Variants in ADAMTSL2 observed in about 807,000 individuals in gnomAD.
The protein encoded by ADAMTSL2 is ADAMTS-like protein 2.
ADAMTSL2 carries 55 observed loss-of-function variants against 117.0 expected under a neutral mutation model. The ratio of observed to expected loss-of-function variants is 0.47; its 90% CI spans 0.38 to 0.59. The LOEUF is 0.59. Ranked by LOEUF, ADAMTSL2 falls within the 20% of genes least tolerant of loss-of-function variation. The pLI, the probability that ADAMTSL2 is intolerant of heterozygous loss-of-function variation, is 0.00. For missense variants in ADAMTSL2, 1,182 were observed against 1,354.5 expected, an observed-to-expected ratio of 0.87 and a Z score of 2.00; for synonymous variants, 572 against 566.4, an observed-to-expected ratio of 1.01 and a Z score of -0.14.
chr9:133,547,747 G>A (rs367555540), intron 9 of ADAMTSL2, among the ~76,000 whole-genome samples: 23 of 152,302 alleles, frequency 1.5e-4, no homozygotes, highest in East Asian at 5.8e-4. Context: ...TATGGTGCTC[G>A]GTCCTTAGTG....
chr9:133,572,897 C>T (rs1357326127), intron 17 of ADAMTSL2, among the ~76,000 whole-genome samples: 2 of 152,194 alleles, frequency 1.3e-5, no homozygotes, highest in African/African-American at 2.4e-5. Context: ...CGGGAATGTG[C>T]TGCTCTCCAG....
chr9:133,543,453 A>G (rs1340544313), intron 7 of ADAMTSL2, among the ~76,000 whole-genome samples: 1 of 152,268 alleles, frequency 6.6e-6, no homozygotes, highest in Non-Finnish European at 1.5e-5. Flanking sequence ...GGGTGTTTAC[A>G]CCACGGAAAT....
At chr9:133,571,195 A>G (rs986805426) in intron 17 of ADAMTSL2, among the ~76,000 whole-genome samples, 3 of 152,170 alleles carry the variant, frequency 2.0e-5, no homozygotes, top group Admixed American at 6.5e-5. Flanking sequence ...CTCTCTCCCA[A>G]TAGTGCCATG....
At position 133,544,507 on chromosome 9, in the gene ADAMTSL2, A is replaced by G. The variant is rs137972845; in HGVS notation, c.720A>G (p.Arg240=). 73 of 1,614,142 alleles carry G rather than the reference A, an allele frequency of 4.5e-5. No homozygotes were observed. The African/African-American group carries it at 9.2e-4, about 20-fold the overall frequency. The part of the protein sequence containing the change: ...SLVTHIPAGA[R]DIQIVERKKS... ...TGACCCACATCCCGGCTGGTGCCCG[A>G]GACATCCAGATTGTAGAGAGGAAGA... Residue 240 remains arginine, a synonymous_variant, in exon 8 of 19, where the codon CGA becomes CGG. Coordinates refer to ENST00000651351, the MANE Select transcript of ADAMTSL2 (RefSeq NM_014694.4).
At chr9:133,534,976 C>A in intron 1 of ADAMTSL2, 59 bp downstream of exon 1, 1 of 1,340,576 alleles carries the variant, frequency 7.5e-7, no homozygotes, top group African/African-American at 1.5e-5. Flanking sequence ...CAGCCCACTG[C>A]TCAGAGTGGG....
Position 133,568,346 on chromosome 9 carries a change from TG to T in ADAMTSL2, c.1950del (p.Trp650Ter). On this transcript the variant is annotated frameshift_variant, in exon 14 of 19. Coordinates refer to ENST00000651351, the MANE Select transcript of ADAMTSL2 (RefSeq NM_014694.4). LOFTEE classifies it high-confidence loss of function. ...CTACCAGTTCCGCGTCGTGCGCTGCTGGAAGATGCTCTCGCCCGGCTTCGAC... is the reference window on the plus strand; with the variant it reads ...CTACCAGTTCCGCGTCGTGCGCTGCTGAAGATGCTCTCGCCCGGCTTCGAC... ...EGYQFRVVRC[W>X]KMLSPGFDSS... is the part of the protein sequence containing the mutation. 1 of 1,592,352 alleles carries T rather than the reference TG, an allele frequency of 6.3e-7. No individual in the cohort carries two copies. Among genetic ancestry groups the T allele is most frequent in the Non-Finnish European group, 8.5e-7 (1 of 1,170,210 alleles).
In ADAMTSL2 at chr9:133,568,628, G is replaced by T; in HGVS notation, c.2114G>T (p.Ser705Ile). The stretch of plus-strand genomic sequence containing the variant: ...TGCACTGCCAAGTGTGGGGAGCGCA[G>T]TGTGGTGACCAGGGACATCCGCTGC... ...SECTAKCGER[S>I]VVTRDIRCSE... Residue 705 changes from serine (S) to isoleucine (I), a missense_variant, in exon 15 of 19, where the codon AGT becomes ATT. Ser to Ile is a moderately radical substitution (Grantham distance 142, BLOSUM62 -2). This residue lies in a region of ADAMTSL2 where 465 missense variants were observed against 565.3 expected (regional missense o/e 0.82). Coordinates refer to ENST00000651351, the MANE Select transcript of ADAMTSL2 (RefSeq NM_014694.4). 6.2e-7 allele frequency: 1 copy of T among 1,611,844 alleles called. No homozygotes were observed. Among genetic ancestry groups the T allele is most frequent in the South Asian group, 1.1e-5 (1 of 90,742 alleles).
rs369162451 is a variant in ADAMTSL2, at chr9:133,550,114, G to C, written c.939+2901G>C. On this transcript the variant is annotated intron_variant, in intron 9 of 18. Coordinates refer to ENST00000651351, the MANE Select transcript of ADAMTSL2 (RefSeq NM_014694.4). ...AGCTCACAGCTATGGCTGTGTGGGGGTGCCCTGAAGAGCAGAGAAAAATGG... is the reference window on the plus strand; with the variant it reads ...AGCTCACAGCTATGGCTGTGTGGGGCTGCCCTGAAGAGCAGAGAAAAATGG... 1.3e-4 allele frequency among the ~76,000 whole-genome samples: 20 copies of C among 152,380 alleles called. No individual in the cohort carries two copies. The South Asian group carries it at 3.7e-3, about 28-fold the overall frequency.
Position 133,568,645 on chromosome 9 carries a change from A to G in ADAMTSL2, c.2131A>G (p.Ile711Val). 6.2e-7 allele frequency: 1 copy of G among 1,613,106 alleles called. No homozygotes were observed. Among genetic ancestry groups the G allele is most frequent in the Non-Finnish European group, 8.5e-7 (1 of 1,179,956 alleles). ...GGAGCGCAGTGTGGTGACCAGGGAC[A>G]TCCGCTGCTCGGAGGATGAGAAGCT... The part of the protein sequence containing the change: ...CGERSVVTRD[I>V]RCSEDEKLCD... Residue 711 changes from isoleucine to valine, a missense_variant, in exon 15 of 19, where the codon ATC (isoleucine) becomes GTC (valine). By Grantham distance (29) the Ile-to-Val change is conservative. Coordinates refer to ENST00000651351, the MANE Select transcript of ADAMTSL2 (RefSeq NM_014694.4).
rs765754783 is a variant in ADAMTSL2, at chr9:133,536,616, A to C, written c.-97A>C. 2 of 1,613,302 alleles carry C rather than the reference A, an allele frequency of 1.2e-6. No individual in the cohort carries two copies. The highest frequency in any genetic ancestry group is 2.2e-5 in the South Asian group (2 of 90,992). On this transcript the variant is annotated 5_prime_UTR_variant, in exon 2 of 19. Transcript: ENST00000651351. Reference sequence around the variant, plus strand: ...TCCCAGATAACCTTGAGGCCTGGGCACTGGCTGGGCCCCGAGGGCTCTTCC... The same window carrying C: ...TCCCAGATAACCTTGAGGCCTGGGCCCTGGCTGGGCCCCGAGGGCTCTTCC...
chr9:133,572,414 C>T (rs1474669214), intron 17 of ADAMTSL2, among the ~76,000 whole-genome samples: 1 of 152,124 alleles, frequency 6.6e-6, no homozygotes, highest in Admixed American at 6.5e-5. Flanking sequence ...CGTGCCGGGC[C>T]CTGAAGCCTC....
Position 133,534,827 on chromosome 9 carries a change from CG to C in ADAMTSL2, c.-240del. On this transcript the variant is annotated 5_prime_UTR_variant, in exon 1 of 19. It introduces an in-frame stop codon into an upstream open reading frame of the 5' UTR. Coordinates refer to ENST00000651351, the MANE Select transcript of ADAMTSL2 (RefSeq NM_014694.4). ...CGGGCCGCAGCCTCTGCACTCACGCCGCCCCCGCACGCACAGCGCACCTGGC... is the reference window on the plus strand; with the variant it reads ...CGGGCCGCAGCCTCTGCACTCACGCCCCCCCGCACGCACAGCGCACCTGGC... The C allele has an allele frequency of 6.7e-7, 1 of 1,494,128 alleles. No individual in the cohort carries two copies. The allele number at this position is 1,494,128 out of a possible 1,614,324, so 92.6% of individuals were successfully genotyped here.
rs1380658759 is a variant in ADAMTSL2, at chr9:133,534,777, G to T, written c.-291G>T. 4 of 1,472,422 alleles carry T rather than the reference G, an allele frequency of 2.7e-6. No homozygotes were observed. Among genetic ancestry groups the T allele is most frequent in the Non-Finnish European group, 3.6e-6 (4 of 1,106,208 alleles). 91.2% of individuals were successfully genotyped at this position (1,472,422 alleles called of 1,614,324 possible). On this transcript the variant is annotated 5_prime_UTR_variant, in exon 1 of 19. An upstream open reading frame in the 5' UTR gains an earlier in-frame stop. Coordinates refer to ENST00000651351, the MANE Select transcript of ADAMTSL2 (RefSeq NM_014694.4). ...AGTGGGAGAGGGAGGCGGCGCGGGG[G>T]AGGAGGGGAAGGGGAGAGGGAGGCC...
chr9:133,537,495 C>T lies in ADAMTSL2; in HGVS notation c.181C>T (p.Arg61Cys), dbSNP rs747791562. Residue 61 changes from arginine (R) to cysteine (C), a missense_variant, in exon 3 of 19, where the codon CGC becomes TGC. Arg to Cys is a radical substitution (Grantham distance 180, BLOSUM62 -3). Transcript: ENST00000651351. Reference sequence around the variant, plus strand: ...GTGGACCAAGTGGACGGCGTGTTCCCGCAGTTGCGGGGGTGGGGTGACATC... The same window carrying T: ...GTGGACCAAGTGGACGGCGTGTTCCTGCAGTTGCGGGGGTGGGGTGACATC... Reference protein sequence around the residue: ...GEWTKWTACSRSCGGGVTSQE... With the variant: ...GEWTKWTACSCSCGGGVTSQE... 3 of 1,352,282 alleles carry T rather than the reference C, an allele frequency of 2.2e-6. No individual in the cohort carries two copies. The highest frequency in any genetic ancestry group is 2.9e-5 in the Admixed American group (1 of 34,598). The allele number at this position is 1,352,282 out of a possible 1,614,324, so 83.8% of individuals were successfully genotyped here. A position where few individuals can be genotyped will look rare whatever the true frequency, so the allele number is the denominator to read the frequency against.
At chr9:133,572,379 C>T (rs753246424) in intron 17 of ADAMTSL2, among the ~76,000 whole-genome samples, 321 of 152,252 alleles carry the variant, frequency 2.1e-3, no homozygotes, top group Non-Finnish European at 3.4e-3. Context: ...CGGCTTTTGC[C>T]GGGAGTCAGC....
At position 133,546,891 on chromosome 9, in the gene ADAMTSL2, G is replaced by C. The variant is rs2073873; in HGVS notation, c.764-147G>C. On this transcript the variant is annotated intron_variant, in intron 8 of 18. Coordinates refer to ENST00000651351, the MANE Select transcript of ADAMTSL2 (RefSeq NM_014694.4). The stretch of plus-strand genomic sequence containing the variant: ...GCCCCTCCTCCGCATTCACTGGCCA[G>C]ACTCTCCATGATGGGAGTTTCCTGT... The C allele has an allele frequency of 0.13, 107,422 of 839,204 alleles. 7,709 individuals are homozygous for C. The highest frequency in any genetic ancestry group is 0.16 in the East Asian group (6,606 of 41,392). 52.0% of individuals were successfully genotyped at this position (839,204 alleles called of 1,614,324 possible).
At chr9:133,534,701 G>A (rs577882796), upstream of ADAMTSL2, 7 of 1,355,472 alleles carry the variant, frequency 5.2e-6, no homozygotes, top group Non-Finnish European at 6.7e-6. Context: ...GCGCAGAGCC[G>A]CCACTGGGCT....
intron 12 of ADAMTSL2, among the ~76,000 whole-genome samples, chr9:133,564,633 AGAGAGAGGGAGAGAGG>A (rs1352690178): frequency 3.7e-5 from 2 of 53,512 alleles, no homozygotes; most frequent in East Asian, 3.0e-4. Context: ...AGGGAGAGAG[AGAGAGAGGGAGAGAGG>A]GAGAGAGGGA....
chr9:133,572,997 G>A (rs974111428), intron 17 of ADAMTSL2, among the ~76,000 whole-genome samples: 62 of 152,296 alleles, frequency 4.1e-4, no homozygotes, highest in African/African-American at 1.3e-3. Context: ...GCCTGCAGAC[G>A]GTGCCAGCCC....
Sources: gnomAD v4.1 joint callset for allele counts (sites outside exome capture counted in the v4.1 genomes callset) on GRCh38, gnomAD v4.1.1 for gene constraint, gnomAD v4.1.1 regional missense constraint, MANE v1.5 for transcripts, NCBI Gene and HGNC (gene_info 2026-07-23, HGNC 2026-07-21) for gene names.